BTRC: variants seen among roughly 807,000 people sequenced by gnomAD.
BTRC encodes F-box/WD repeat-containing protein 1A.
BTRC carries 42 observed loss-of-function variants against 85.5 expected under a neutral mutation model. The ratio of observed to expected loss-of-function variants is 0.49; its 90% CI spans 0.38 to 0.64. The LOEUF (loss-of-function observed/expected upper bound fraction) is 0.64, where lower values mean the gene tolerates loss of function less well. Among genes scored for constraint, BTRC ranks in the 30% least tolerant of loss-of-function variants. The pLI is 0.00. For synonymous variants in BTRC, 255 were observed against 263.3 expected, an observed-to-expected ratio of 0.97 and a Z score of 0.30; for missense variants, 594 against 743.5, an observed-to-expected ratio of 0.80 and a Z score of 2.34.
At chr10:101,374,061 C>T (rs1942718028) in intron 1 of BTRC, among the ~76,000 whole-genome samples, 3 of 151,874 alleles carry the variant, frequency 2.0e-5, no homozygotes, top group Admixed American at 6.6e-5. Flanking sequence ...TAAAAGTATC[C>T]ATGATAAGAG....
At chr10:101,513,672 T>C (rs1377058971) in intron 4 of BTRC, among the ~76,000 whole-genome samples, 1 of 152,250 alleles carries the variant, frequency 6.6e-6, no homozygotes, top group Non-Finnish European at 1.5e-5. Flanking sequence ...GTTTACCAGT[T>C]AATCTTTTGA....
At chr10:101,442,280 C>G (rs930029398) in intron 2 of BTRC, among the ~76,000 whole-genome samples, 3 of 116,428 alleles carry the variant, frequency 2.6e-5, no homozygotes, top group African/African-American at 3.8e-5. Context: ...CTCTCTCTCT[C>G]TCTGTCTCTG....
intron 2 of BTRC, among the ~76,000 whole-genome samples, chr10:101,449,558 A>G (rs1944908191): frequency 1.3e-5 from 2 of 152,160 alleles, no homozygotes; most frequent in African/African-American, 4.8e-5. Flanking sequence ...GCACAAAAAA[A>G]TCTGTCCAAA....
At chr10:101,387,806 C>T (rs1234942264) in intron 1 of BTRC, among the ~76,000 whole-genome samples, 4 of 152,048 alleles carry the variant, frequency 2.6e-5, no homozygotes, top group Non-Finnish European at 4.4e-5. Context: ...TCTCCTGCCT[C>T]AGCCTCCTGA....
intron 1 of BTRC, among the ~76,000 whole-genome samples, chr10:101,391,105 T>C (rs1181575614): frequency 6.6e-6 from 1 of 152,210 alleles, no homozygotes; most frequent in Non-Finnish European, 1.5e-5. Context: ...CAATCTGATT[T>C]GTCTTTTAAA....
At chr10:101,415,464 A>T (rs1007384709) in intron 1 of BTRC, among the ~76,000 whole-genome samples, 6 of 4,214 alleles carry the variant, frequency 1.4e-3, no homozygotes, top group African/African-American at 1.6e-3. Context: ...CACCACTTTT[A>T]TTTTATTTTA....
At chr10:101,369,268 C>T (rs1050074014) in intron 1 of BTRC, among the ~76,000 whole-genome samples, 3 of 151,212 alleles carry the variant, frequency 2.0e-5, no homozygotes, top group Admixed American at 6.6e-5. Context: ...TCCAGGCTCT[C>T]GAGTACACTG....
intron 1 of BTRC, among the ~76,000 whole-genome samples, chr10:101,366,277 C>G (rs1233721635): frequency 4.6e-5 from 7 of 151,626 alleles, no homozygotes; most frequent in Non-Finnish European, 7.4e-5. Context: ...AAAATGTGAG[C>G]CTGAACTGAT....
chr10:101,536,876 C>T (rs1031159730), intron 12 of BTRC, among the ~76,000 whole-genome samples: 10 of 152,120 alleles, frequency 6.6e-5, no homozygotes, highest in African/African-American at 2.2e-4. Flanking sequence ...ACATGGTTGT[C>T]ATTCATATTT....
chr10:101,387,763 T>C (rs4421690), intron 1 of BTRC, among the ~76,000 whole-genome samples: 151,162 of 151,670 alleles, frequency 1, 75,332 homozygotes, highest in Middle Eastern at 1. Context: ...GATCTCTGCT[T>C]ACTGCAAACT....
At chr10:101,471,116 A>G (rs1209297644) in intron 3 of BTRC, among the ~76,000 whole-genome samples, 1 of 152,236 alleles carries the variant, frequency 6.6e-6, no homozygotes, top group Non-Finnish European at 1.5e-5. Flanking sequence ...ATAATGGGCC[A>G]TGAAATCAGG....
chr10:101,506,718 T>C (rs922353646), intron 4 of BTRC, among the ~76,000 whole-genome samples: 1 of 152,232 alleles, frequency 6.6e-6, no homozygotes, highest in Non-Finnish European at 1.5e-5. Flanking sequence ...TAACCCTAGG[T>C]ATGCAAGGTG....
At chr10:101,445,586 G>A (rs1053235507) in intron 2 of BTRC, among the ~76,000 whole-genome samples, 4 of 152,112 alleles carry the variant, frequency 2.6e-5, no homozygotes, top group Non-Finnish European at 5.9e-5. Flanking sequence ...TGTAATAATC[G>A]ACTATTATCG....
chr10:101,481,320 CTTTCTTTT>C (rs1945828532), intron 4 of BTRC, among the ~76,000 whole-genome samples: 1 of 152,112 alleles, frequency 6.6e-6, no homozygotes, highest in African/African-American at 2.4e-5. Flanking sequence ...AATATTCTTT[CTTTCTTTT>C]TTTCTTTTTT....
At chr10:101,403,689 C>A (rs1038820388) in intron 1 of BTRC, among the ~76,000 whole-genome samples, 2 of 152,032 alleles carry the variant, frequency 1.3e-5, no homozygotes, top group Non-Finnish European at 2.9e-5. Context: ...CTCTCAGGCT[C>A]AAGAGATCTT....
At chr10:101,466,354 C>T (rs543961104) in intron 3 of BTRC, among the ~76,000 whole-genome samples, 2 of 152,288 alleles carry the variant, frequency 1.3e-5, no homozygotes, top group African/African-American at 4.8e-5. Flanking sequence ...TGTATTCTTT[C>T]TCTTGTGTAG....
chr10:101,411,845 A>T (rs931136865), intron 1 of BTRC, among the ~76,000 whole-genome samples: 1 of 152,174 alleles, frequency 6.6e-6, no homozygotes, highest in Non-Finnish European at 1.5e-5. Context: ...TTTGTATTTT[A>T]AAAATCTTTT....
chr10:101,502,337 T>C (rs1042462328), intron 4 of BTRC, among the ~76,000 whole-genome samples: 4 of 152,110 alleles, frequency 2.6e-5, no homozygotes, highest in Non-Finnish European at 4.4e-5. Context: ...CTTCCTTCCC[T>C]GAAGTTGGGT....
intron 1 of BTRC, among the ~76,000 whole-genome samples, chr10:101,395,992 G>C (rs1943352736): frequency 6.6e-6 from 1 of 151,548 alleles, no homozygotes; most frequent in Admixed American, 6.6e-5. Flanking sequence ...TTTGTTTTTT[G>C]CCTCAGCTTT....
Sources: allele counts gnomAD v4.1 joint callset (sites outside exome capture counted in the v4.1 genomes callset), GRCh38; gene constraint gnomAD v4.1.1; transcripts MANE v1.5; gene names NCBI Gene and HGNC (gene_info 2026-07-23, HGNC 2026-07-21).